Variants in RFX3 observed in about 807,000 individuals in gnomAD.
The protein encoded by RFX3 is transcription factor RFX3.
A neutral mutation model predicts 98.6 loss-of-function variants in RFX3; 14 were observed. That is an observed-to-expected ratio of 0.14 (90% CI 0.09 to 0.22). The LOEUF is 0.22. Among genes scored for constraint, RFX3 ranks in the 10% least tolerant of loss-of-function variants. The pLI is 1.00. For synonymous variants in RFX3, 383 were observed against 328.4 expected, an observed-to-expected ratio of 1.17 and a Z score of -1.80; for missense variants, 639 against 926.9, an observed-to-expected ratio of 0.69 and a Z score of 4.03.
intron 1 of RFX3, chr9:3,524,649 A>G: frequency 1.0e-6 from 1 of 982,604 alleles, no homozygotes; most frequent in African/African-American, 1.7e-5. Context: ...TTCCCTGTTC[A>G]TCACAAAGTC....
At chr9:3,313,272 A>G (rs1830179255) in intron 4 of RFX3, among the ~76,000 whole-genome samples, 1 of 152,220 alleles carries the variant, frequency 6.6e-6, no homozygotes, top group East Asian at 1.9e-4. Context: ...ATGGACCTCC[A>G]GCAAACTCCA....
intron 4 of RFX3, among the ~76,000 whole-genome samples, chr9:3,326,381 T>C (rs1453584360): frequency 2.0e-5 from 3 of 152,172 alleles, no homozygotes; most frequent in African/African-American, 7.2e-5. Context: ...GGCAGGTTTG[T>C]TACATAAGTA....
At chr9:3,305,238 G>C (rs1196659882) in intron 4 of RFX3, among the ~76,000 whole-genome samples, 1 of 151,992 alleles carries the variant, frequency 6.6e-6, no homozygotes, top group African/African-American at 2.4e-5. Flanking sequence ...GTATGAGTGA[G>C]GCTGAAAAAA....
In RFX3 at chr9:3,272,929, G is replaced by T. The variant is rs561429810; in HGVS notation, c.1087-1811C>A. The stretch of plus-strand genomic sequence containing the variant: ...TAAAAATATGTACTGTAGGAAATGT[G>T]AAATATAATTAGGCAAGTAAAGAAT... On this transcript the variant is annotated intron_variant, in intron 9 of 16. Coordinates refer to ENST00000617270, the MANE Select transcript of RFX3 (RefSeq NM_001282116.2). Among the ~76,000 whole-genome samples the T allele has an allele frequency of 1.3e-3, 197 of 152,240 alleles. 1 individual carries two copies. Among genetic ancestry groups the T allele is most frequent in the African/African-American group, 4.4e-3 (182 of 41,540 alleles).
intron 12 of RFX3, among the ~76,000 whole-genome samples, chr9:3,264,089 T>C (rs1043583541): frequency 7.2e-5 from 11 of 152,122 alleles, no homozygotes; most frequent in African/African-American, 2.7e-4. Flanking sequence ...ACTCTGTTCA[T>C]ACCTTTGGAA....
rs1289106760 is a variant in RFX3 at position 3,222,266 on chromosome 9, A to T, written c.*2776T>A. The T allele has an allele frequency of 6.6e-6, 1 of 152,164 alleles. No homozygotes were observed. Among genetic ancestry groups the T allele is most frequent in the Non-Finnish European group, 1.5e-5 (1 of 67,988 alleles). 9.4% of individuals were successfully genotyped at this position (152,164 alleles called of 1,614,324 possible). ...TCCAAACTACTTACACTAATCACAA[A>T]GAATATTCCTAATATTCATAAAGGA... On this transcript the variant is annotated 3_prime_UTR_variant, in exon 17 of 17. Transcript: ENST00000617270.
intron 15 of RFX3, among the ~76,000 whole-genome samples, chr9:3,243,057 A>T (rs1820169961): frequency 6.6e-6 from 1 of 152,018 alleles, no homozygotes; most frequent in Non-Finnish European, 1.5e-5. Context: ...GAGATAAAGC[A>T]GAAAGATTCT....
intron 4 of RFX3, among the ~76,000 whole-genome samples, chr9:3,315,929 C>T (rs1417701481): frequency 6.6e-6 from 1 of 152,056 alleles, no homozygotes. Flanking sequence ...GAGTCACAGC[C>T]GAATTCTACT....
chr9:3,359,390 C>T (rs1794957034), intron 2 of RFX3, among the ~76,000 whole-genome samples: 1 of 152,062 alleles, frequency 6.6e-6, no homozygotes, highest in Non-Finnish European at 1.5e-5. Context: ...CAGTGAGGCT[C>T]TGCCTTTGTT....
At chr9:3,349,184 T>C (rs776293489) in intron 2 of RFX3, among the ~76,000 whole-genome samples, 3 of 152,074 alleles carry the variant, frequency 2.0e-5, no homozygotes, top group Admixed American at 6.6e-5. Context: ...TTTGCTCTTA[T>C]GGTACAAATT....
intron 1 of RFX3, among the ~76,000 whole-genome samples, chr9:3,444,324 C>G (rs1845847857): frequency 6.6e-6 from 1 of 151,972 alleles, no homozygotes; most frequent in African/African-American, 2.4e-5. Flanking sequence ...AGAATGCACA[C>G]TGTATTATTT....
At chr9:3,461,516 T>C (rs979959735) in intron 1 of RFX3, among the ~76,000 whole-genome samples, 1 of 152,050 alleles carries the variant, frequency 6.6e-6, no homozygotes, top group East Asian at 1.9e-4. Flanking sequence ...AACTACTGCA[T>C]GTTCAAGGAA....
chr9:3,317,745 A>G (rs1197711871), intron 4 of RFX3, among the ~76,000 whole-genome samples: 1 of 152,264 alleles, frequency 6.6e-6, no homozygotes, highest in Non-Finnish European at 1.5e-5. Context: ...GAAGACATTT[A>G]TGCAGCCAAT....
At chr9:3,411,843 C>A (rs1385476927) in intron 1 of RFX3, among the ~76,000 whole-genome samples, 2 of 151,996 alleles carry the variant, frequency 1.3e-5, no homozygotes, top group Non-Finnish European at 2.9e-5. Flanking sequence ...ACCTAGTCAG[C>A]CCCATAGTCA....
chr9:3,221,079 A>G lies in RFX3; in HGVS notation c.*3963T>C, dbSNP rs914970745. 7 of 152,160 alleles carry G rather than the reference A, an allele frequency of 4.6e-5. No homozygotes were observed. In the South Asian group the frequency reaches 6.2e-4, roughly 14 times the overall value. 9.4% of individuals were successfully genotyped at this position (152,160 alleles called of 1,614,324 possible). A position where few individuals can be genotyped will look rare whatever the true frequency, so the allele number is the denominator to read the frequency against. On this transcript the variant is annotated 3_prime_UTR_variant, in exon 17 of 17. Coordinates refer to ENST00000617270, the MANE Select transcript of RFX3 (RefSeq NM_001282116.2). ...TGTCTGGGGGATATAATAAAGGTCA[A>G]TTTATTGTATATAACCACTGCCTCA...
At chr9:3,504,737 T>A in intron 1 of RFX3, among the ~76,000 whole-genome samples, 1 of 123,294 alleles carries the variant, frequency 8.1e-6, no homozygotes, top group African/African-American at 3.1e-5. Flanking sequence ...ATATGCTATA[T>A]GGTATATATT....
intron 1 of RFX3, among the ~76,000 whole-genome samples, chr9:3,481,869 A>AT (rs1216044700): frequency 4.6e-5 from 7 of 152,140 alleles, no homozygotes; most frequent in African/African-American, 1.7e-4. Flanking sequence ...CAAAATAAAA[A>AT]AAATAAATAA....
chr9:3,399,853 G>A (rs1416914272), intron 1 of RFX3, among the ~76,000 whole-genome samples: 2 of 151,024 alleles, frequency 1.3e-5, no homozygotes, highest in East Asian at 4.0e-4. Flanking sequence ...GGAGGCTGCA[G>A]CAGGAGAGTC....
intron 4 of RFX3, among the ~76,000 whole-genome samples, chr9:3,325,921 G>A (rs1180695300): frequency 6.6e-6 from 1 of 152,110 alleles, no homozygotes; most frequent in Non-Finnish European, 1.5e-5. Flanking sequence ...GAAGACAGAT[G>A]TATAATGAGT....
Sources: gnomAD v4.1 joint callset for allele counts (sites outside exome capture counted in the v4.1 genomes callset) on GRCh38, gnomAD v4.1.1 for gene constraint, MANE v1.5 for transcripts, NCBI Gene and HGNC (gene_info 2026-07-23, HGNC 2026-07-21) for gene names.